The following FAT3 variants were observed in gnomAD, a reference collection of about 807,000 sequenced individuals.
FAT3 encodes protocadherin Fat 3.
A neutral mutation model predicts 310.2 loss-of-function variants in FAT3; 95 were observed. The observed-to-expected ratio is 0.31, with a 90% CI of 0.26 to 0.36. The LOEUF is 0.36. Ranked by LOEUF, FAT3 falls within the 10% of genes least tolerant of loss-of-function variation. FAT3 has a pLI of 1.00. For synonymous variants in FAT3, 2,314 were observed against 2,192.9 expected, an observed-to-expected ratio of 1.06 and a Z score of -1.54; for missense variants, 5,408 against 5,715.6, an observed-to-expected ratio of 0.95 and a Z score of 1.74.
At chr11:92,463,487 G>C (rs1951683834) in intron 2 of FAT3, among the ~76,000 whole-genome samples, 1 of 152,100 alleles carries the variant, frequency 6.6e-6, no homozygotes, top group South Asian at 2.1e-4. Context: ...AATACTACTA[G>C]AATCTACCTC....
intron 2 of FAT3, among the ~76,000 whole-genome samples, chr11:92,505,507 G>A (rs1381158097): frequency 6.6e-6 from 1 of 152,184 alleles, no homozygotes; most frequent in East Asian, 1.9e-4. Flanking sequence ...CTCTGCAGCA[G>A]AGCAAGGTTA....
At chr11:92,464,599 G>A (rs915824439) in intron 2 of FAT3, among the ~76,000 whole-genome samples, 1 of 152,200 alleles carries the variant, frequency 6.6e-6, no homozygotes, top group African/African-American at 2.4e-5. Context: ...CATGGGAACA[G>A]CATAGGAAAT....
chr11:92,227,024 A>C (rs568909092), intron 1 of FAT3, among the ~76,000 whole-genome samples: 51 of 152,232 alleles, frequency 3.4e-4, no homozygotes, highest in African/African-American at 1.1e-3. Flanking sequence ...CCCCAGCCAG[A>C]CTAGGGAGGG....
intron 1 of FAT3, among the ~76,000 whole-genome samples, chr11:92,285,234 C>T (rs919267837): frequency 6.6e-6 from 1 of 151,980 alleles, no homozygotes; most frequent in Non-Finnish European, 1.5e-5. Context: ...GCAGACTCTG[C>T]TTATGTGTTG....
intron 4 of FAT3, among the ~76,000 whole-genome samples, chr11:92,697,712 C>T (rs555830974): frequency 3.5e-4 from 54 of 152,240 alleles, no homozygotes; most frequent in African/African-American, 2.2e-4. Flanking sequence ...TTCAGGCCCT[C>T]GTGTCAATAA....
At chr11:92,856,648 A>G (rs1948986348) in intron 19 of FAT3, among the ~76,000 whole-genome samples, 1 of 152,194 alleles carries the variant, frequency 6.6e-6, no homozygotes, top group African/African-American at 2.4e-5. Flanking sequence ...ATTTACAGCT[A>G]ATCAATAACA....
intron 13 of FAT3, among the ~76,000 whole-genome samples, chr11:92,830,123 G>T (rs910446772): frequency 6.6e-6 from 1 of 152,136 alleles, no homozygotes; most frequent in Non-Finnish European, 1.5e-5. Flanking sequence ...CTTCTTTAAG[G>T]GTATTTAGGA....
In FAT3 at chr11:92,639,249, T is replaced by A. The variant is rs78042813; in HGVS notation, c.3608-58135T>A. ...TCTCCAGGGCTTCATCATTAGTATC[T>A]GCCACTCTAGAGCAAACGTCCCCAG... On this transcript the variant is annotated intron_variant, in intron 3 of 27. Transcript: ENST00000525166. Among the ~76,000 whole-genome samples, 1,287 of 152,276 alleles carry A rather than the reference T, an allele frequency of 8.5e-3. 17 individuals are homozygous for A. Among genetic ancestry groups the A allele is most frequent in the African/African-American group, 0.03 (1,240 of 41,562 alleles).
chr11:92,840,851 G>C (rs1948528055), intron 18 of FAT3, 92 bp downstream of exon 18: 10 of 1,246,678 alleles, frequency 8.0e-6, no homozygotes, highest in Non-Finnish European at 1.1e-5. Flanking sequence ...TGCTGAGTAA[G>C]TCAACATAAT....
intron 17 of FAT3, 148 bp downstream of exon 17, chr11:92,837,954 C>T: frequency 2.0e-6 from 2 of 984,648 alleles, no homozygotes; most frequent in East Asian, 2.6e-5. Flanking sequence ...CCTAGTTCTT[C>T]TACCACAGAT....
chr11:92,585,378 G>T (rs1487304372), intron 3 of FAT3, among the ~76,000 whole-genome samples: 1 of 151,960 alleles, frequency 6.6e-6, no homozygotes, highest in Non-Finnish European at 1.5e-5. Flanking sequence ...GTGTTGGCCT[G>T]GATTGGTAGA....
intron 3 of FAT3, among the ~76,000 whole-genome samples, chr11:92,669,948 C>T (rs1283446140): frequency 6.6e-6 from 1 of 152,128 alleles, no homozygotes; most frequent in African/African-American, 2.4e-5. Flanking sequence ...ATCGGAAGTC[C>T]AAGACCTAAT....
At chr11:92,766,269 G>A (rs1040583406) in intron 6 of FAT3, among the ~76,000 whole-genome samples, 1 of 152,318 alleles carries the variant, frequency 6.6e-6, no homozygotes, top group South Asian at 2.1e-4. Flanking sequence ...AAACAGAGGG[G>A]AGAGTGTGTG....
rs1941620859 is a variant in FAT3, at chr11:92,633,172, A to G, written c.3608-64212A>G. ...TTATGCATAAATGGCTTTGCAAACAAAAGGAACTTTTCACTTACAAGAGGA... is the reference window on the plus strand; with the variant it reads ...TTATGCATAAATGGCTTTGCAAACAGAAGGAACTTTTCACTTACAAGAGGA... On this transcript the variant is annotated intron_variant, in intron 3 of 27. Transcript: ENST00000525166. 2.6e-5 allele frequency among the ~76,000 whole-genome samples: 4 copies of G among 152,206 alleles called. No homozygotes were observed. In the South Asian group the frequency reaches 8.3e-4, roughly 31 times the overall value.
At chr11:92,785,566 T>C (rs1409053659) in intron 7 of FAT3, among the ~76,000 whole-genome samples, 2 of 152,066 alleles carry the variant, frequency 1.3e-5, no homozygotes, top group East Asian at 3.9e-4. Flanking sequence ...CCTACATATA[T>C]ATAACCAAAA....
At chr11:92,612,658 C>T (rs1207682592) in intron 3 of FAT3, among the ~76,000 whole-genome samples, 2 of 152,090 alleles carry the variant, frequency 1.3e-5, no homozygotes, top group Non-Finnish European at 2.9e-5. Context: ...CACTTAAATT[C>T]TAGTGTGGGG....
At chr11:92,598,929 A>T (rs1174538854) in intron 3 of FAT3, among the ~76,000 whole-genome samples, 1 of 152,158 alleles carries the variant, frequency 6.6e-6, no homozygotes, top group African/African-American at 2.4e-5. Flanking sequence ...ATAAATACTC[A>T]ATGAATGTCA....
chr11:92,434,832 T>G (rs370589770), intron 2 of FAT3, among the ~76,000 whole-genome samples: 21 of 152,194 alleles, frequency 1.4e-4, no homozygotes, highest in African/African-American at 5.1e-4. Context: ...ATTAATGTAT[T>G]GGGCCCATAT....
chr11:92,305,936 A>G (rs1947105646), intron 1 of FAT3, among the ~76,000 whole-genome samples: 2 of 152,134 alleles, frequency 1.3e-5, no homozygotes, highest in Admixed American at 1.3e-4. Context: ...AGTTAAGATT[A>G]TAGTATCAAT....
Sources: gnomAD v4.1 joint callset for allele counts (sites outside exome capture counted in the v4.1 genomes callset) on GRCh38, gnomAD v4.1.1 for gene constraint, MANE v1.5 for transcripts, NCBI Gene and HGNC (gene_info 2026-07-23, HGNC 2026-07-21) for gene names.